ZNF516: variants seen among roughly 807,000 people sequenced by gnomAD.
ZNF516 encodes the protein zinc finger protein 516.
A neutral mutation model predicts 79.7 loss-of-function variants in ZNF516; 19 were observed. The ratio of observed to expected loss-of-function variants is 0.24; its 90% CI spans 0.17 to 0.35. ZNF516 has a LOEUF of 0.35. ZNF516 is among the 10% of genes least tolerant of loss of function. The pLI is 1.00. For missense variants in ZNF516, 1,678 were observed against 1,679.5 expected (o/e 1.00, Z 0.02); for synonymous variants, 877 against 739.5 (o/e 1.19, Z -3.02).
At chr18:76,468,326 G>A (rs535485968) in intron 1 of ZNF516, among the ~76,000 whole-genome samples, 77 of 152,134 alleles carry the variant, frequency 5.1e-4, no homozygotes, top group South Asian at 3.7e-3. Context: ...TGTCCAACCC[G>A]CGGCAGCCCA....
At position 76,363,617 on chromosome 18, in the gene ZNF516, A is replaced by G. The variant is rs910695712; in HGVS notation, c.3433-1060T>C. Among the ~76,000 whole-genome samples the G allele has an allele frequency of 4.0e-4, 61 of 152,166 alleles. 1 individual carries two copies. The highest frequency in any genetic ancestry group is 3.7e-3 in the Admixed American group (56 of 15,284). ...ATGTAGGAAACAGTAATGGAATGAG[A>G]GATGTGATAAAACTTCCCTAAGTAG... On this transcript the variant is annotated intron_variant, in intron 6 of 6. Transcript: ENST00000443185.
At chr18:76,492,462 C>T in intron 1 of ZNF516, 1 of 713,182 alleles carries the variant, frequency 1.4e-6, no homozygotes, top group Non-Finnish European at 1.7e-6. Flanking sequence ...TCACTGGCCA[C>T]GAGCGCTTCA....
rs1042060419 is a variant in ZNF516, at chr18:76,359,850, CG to C, written c.*2647del. ...TTCGGAAAAAAAAAGGCAATCAAAACGGTGGCTAAATAAATAAGGAAACACA... is the reference window on the plus strand; with the variant it reads ...TTCGGAAAAAAAAAGGCAATCAAAACGTGGCTAAATAAATAAGGAAACACA... On this transcript the variant is annotated 3_prime_UTR_variant, in exon 7 of 7. Coordinates refer to ENST00000443185, the MANE Select transcript of ZNF516 (RefSeq NM_014643.4). 6.6e-6 allele frequency: 1 copy of C among 152,114 alleles called. No homozygotes were observed. The highest frequency in any genetic ancestry group is 2.4e-5 in the African/African-American group (1 of 41,400). 9.4% of individuals were successfully genotyped at this position (152,114 alleles called of 1,614,324 possible).
intron 4 of ZNF516, chr18:76,378,371 GACTA>G (rs1349187524): frequency 6.5e-6 from 1 of 153,020 alleles, no homozygotes; most frequent in Non-Finnish European, 1.5e-5. Context: ...AATATTAGAG[GACTA>G]ATTAGGTGTT....
intron 3 of ZNF516, among the ~76,000 whole-genome samples, chr18:76,403,805 T>C (rs2075263361): frequency 6.6e-6 from 1 of 152,208 alleles, no homozygotes; most frequent in South Asian, 2.1e-4. Flanking sequence ...ATCAATTTCA[T>C]GATCTATATG....
rs753080203 is a variant in ZNF516 at position 76,379,294 on chromosome 18, G to A, written c.2820C>T (p.Gly940=). The A allele has an allele frequency of 2.2e-5, 35 of 1,608,858 alleles. No homozygotes were observed. The highest frequency in any genetic ancestry group is 2.9e-5 in the Non-Finnish European group (34 of 1,177,592). ...GCTTGCTATTGGCCGAGGGCTGCGC[G>A]CCAGCCCGGGCGATGACGGTGGGCG... The part of the protein sequence containing the change: ...TPTPTVIARA[G]AQPSANSKPV... Residue 940 remains glycine (G), a synonymous_variant, in exon 4 of 7, where the codon GGC becomes GGT. Transcript: ENST00000443185.
chr18:76,483,692 G>A (rs557237195), intron 1 of ZNF516, among the ~76,000 whole-genome samples: 8 of 152,170 alleles, frequency 5.3e-5, no homozygotes, highest in African/African-American at 1.9e-4. Context: ...TTTCTTTTAG[G>A]ATTTTCTATA....
At chr18:76,427,093 T>C (rs2075604765) in intron 3 of ZNF516, among the ~76,000 whole-genome samples, 1 of 152,246 alleles carries the variant, frequency 6.6e-6, no homozygotes, top group South Asian at 2.1e-4. Context: ...ACGGGCACAA[T>C]GCCGGGAACA....
chr18:76,374,383 A>C (rs1017306227), intron 4 of ZNF516, among the ~76,000 whole-genome samples: 3 of 152,232 alleles, frequency 2.0e-5, no homozygotes, highest in Non-Finnish European at 4.4e-5. Flanking sequence ...CTGTACAATG[A>C]TTACAGAAAA....
At chr18:76,396,702 G>A (rs1434829280) in intron 3 of ZNF516, among the ~76,000 whole-genome samples, 3 of 152,136 alleles carry the variant, frequency 2.0e-5, no homozygotes, top group African/African-American at 7.2e-5. Context: ...CATCTGGGGG[G>A]AAAAACAGCC....
intron 4 of ZNF516, among the ~76,000 whole-genome samples, chr18:76,373,717 GCACA>G (rs142520797): frequency 4.6e-5 from 7 of 152,062 alleles, no homozygotes; most frequent in African/African-American, 1.7e-4. Flanking sequence ...GAGCACGCGT[GCACA>G]CACACACACG....
chr18:76,488,327 G>A (rs1193693073), intron 1 of ZNF516: 3 of 905,016 alleles, frequency 3.3e-6, no homozygotes, highest in Non-Finnish European at 4.0e-6. Flanking sequence ...GTGCCAATTC[G>A]CAGGCAGCCA....
At chr18:76,414,395 G>GT (rs1568272033) in intron 3 of ZNF516, among the ~76,000 whole-genome samples, 2 of 152,310 alleles carry the variant, frequency 1.3e-5, no homozygotes, top group Non-Finnish European at 2.9e-5. Context: ...TCCCTAAAAT[G>GT]TAATATAATG....
intron 2 of ZNF516, among the ~76,000 whole-genome samples, chr18:76,454,194 A>G (rs1268811831): frequency 1.3e-5 from 2 of 152,238 alleles, no homozygotes; most frequent in African/African-American, 4.8e-5. Flanking sequence ...GTCAGCGCCC[A>G]AAAAAATCCC....
chr18:76,380,427 A>C (rs910973033), intron 3 of ZNF516, 124 bp from the exon 4 acceptor site: 2 of 1,284,702 alleles, frequency 1.6e-6, no homozygotes, highest in East Asian at 5.0e-5. Context: ...GCCACCCTTG[A>C]GTCTGGGTGG....
Position 76,359,656 on chromosome 18 carries a change from G to A in ZNF516, c.*2842C>T, listed in dbSNP as rs575412619. ...GAGCGGAAAGCAGGGGAGAGACACC[G>A]AGAAGCTGCAGTGTAGACAACCAAA... is the stretch of plus-strand genomic sequence containing the variant. On this transcript the variant is annotated 3_prime_UTR_variant, in exon 7 of 7. Transcript: ENST00000443185. 12 of 152,294 alleles carry A rather than the reference G, an allele frequency of 7.9e-5. No homozygotes were observed. The highest frequency in any genetic ancestry group is 2.2e-4 in the African/African-American group (9 of 41,534). 9.4% of individuals were successfully genotyped at this position (152,294 alleles called of 1,614,324 possible). A position where few individuals can be genotyped will look rare whatever the true frequency, so the allele number is the denominator to read the frequency against.
Position 76,370,582 on chromosome 18 carries a change from G to A in ZNF516, c.3378C>T (p.Ser1126=), listed in dbSNP as rs150269165. The change falls in exon 6 of 7, where the codon TCC becomes TCT. Residue 1126 remains serine (S), a synonymous_variant. Coordinates refer to ENST00000443185, the MANE Select transcript of ZNF516 (RefSeq NM_014643.4). ...GAACTTCAGAACCCCGAGGCCCATC[G>A]GACTCAAACACCACTGTGGGAACAA... The part of the protein sequence containing the change: ...HMRAHSVVFE[S]DGPRGSEVHT... The A allele has an allele frequency of 4.0e-4, 635 of 1,603,576 alleles. 2 individuals carry two copies. In the African/African-American group the frequency reaches 7.6e-3, roughly 19 times the overall value.
intron 3 of ZNF516, among the ~76,000 whole-genome samples, chr18:76,439,852 C>A (rs924499086): frequency 6.6e-6 from 1 of 152,066 alleles, no homozygotes; most frequent in Non-Finnish European, 1.5e-5. Context: ...CCAGTAAAAT[C>A]TGTATTTATA....
chr18:76,378,713 G>T, intron 4 of ZNF516, 142 bp downstream of exon 4: 2 of 1,264,946 alleles, frequency 1.6e-6, no homozygotes, highest in Non-Finnish European at 2.1e-6. Context: ...CAAGGGAGCA[G>T]CTCTCAGCTC....
Sources: allele counts gnomAD v4.1 joint callset (sites outside exome capture counted in the v4.1 genomes callset), GRCh38; gene constraint gnomAD v4.1.1; transcripts MANE v1.5; gene names NCBI Gene and HGNC (gene_info 2026-07-23, HGNC 2026-07-21).